Variants in RAP1A observed in about 807,000 individuals in gnomAD.
RAP1A encodes the protein ras-related protein Rap-1A.
RAP1A carries 6 observed loss-of-function variants against 26.4 expected under a neutral mutation model. The observed-to-expected ratio is 0.23, with a 90% CI of 0.12 to 0.45. RAP1A has a LOEUF of 0.45. Ranked by LOEUF, RAP1A falls within the 20% of genes least tolerant of loss-of-function variation. The probability of loss-of-function intolerance (pLI) is 0.99; values close to 1 mark genes in which losing one functional copy is unlikely to be tolerated. For missense variants in RAP1A, 121 were observed against 217.2 expected (o/e 0.56, Z 2.78); for synonymous variants, 73 against 79.4 (o/e 0.92, Z 0.43).
At chr1:111,621,531 C>T (rs944357085) in intron 1 of RAP1A, among the ~76,000 whole-genome samples, 1 of 152,078 alleles carries the variant, frequency 6.6e-6, no homozygotes, top group African/African-American at 2.4e-5. Flanking sequence ...GAGGATCATA[C>T]GTGTTAAGTA....
Position 111,619,817 on chromosome 1 carries a change from C to G in RAP1A, c.-145C>G. The G allele has an allele frequency of 2.5e-6, 1 of 399,732 alleles. No individual in the cohort carries two copies. Among genetic ancestry groups the G allele is most frequent in the East Asian group, 3.6e-5 (1 of 28,130 alleles). 24.8% of individuals were successfully genotyped at this position (399,732 alleles called of 1,614,324 possible). On this transcript the variant is annotated 5_prime_UTR_variant, in exon 1 of 8. Coordinates refer to ENST00000369709, the MANE Select transcript of RAP1A (RefSeq NM_002884.4). ...GCCGCTCCCGAGGCCCCTGCCGCCG[C>G]CGCTCCCGCTGCTGTCGCCGCGCAG...
chr1:111,562,756 C>T (rs1335487053), intron 1 of RAP1A, among the ~76,000 whole-genome samples: 2 of 152,200 alleles, frequency 1.3e-5, no homozygotes, highest in Non-Finnish European at 2.9e-5. Flanking sequence ...GGCCATACAC[C>T]TTTCTGTTCC....
intron 1 of RAP1A, chr1:111,627,621 A>G (rs1190570254): frequency 6.6e-6 from 1 of 152,116 alleles, no homozygotes; most frequent in Non-Finnish European, 1.5e-5. Flanking sequence ...TTGGGTGGTA[A>G]TAGCAGAAAT....
At chr1:111,621,223 CTGGAA>C (rs1659192251) in intron 1 of RAP1A, among the ~76,000 whole-genome samples, 1 of 152,140 alleles carries the variant, frequency 6.6e-6, no homozygotes, top group African/African-American at 2.4e-5. Flanking sequence ...AGAGATGCTG[CTGGAA>C]ACAGGATTTG....
chr1:111,638,867 CTT>C (rs201185076), intron 1 of RAP1A, among the ~76,000 whole-genome samples: 9 of 145,744 alleles, frequency 6.2e-5, no homozygotes, highest in East Asian at 2.0e-4. Flanking sequence ...TGGTTTTTAT[CTT>C]TTTTTTTTTT....
chr1:111,550,814 T>A (rs1165475938), intron 1 of RAP1A, among the ~76,000 whole-genome samples: 2 of 152,208 alleles, frequency 1.3e-5, no homozygotes, highest in Non-Finnish European at 2.9e-5. Flanking sequence ...CTTAATGTGG[T>A]CAGAGAACAT....
chr1:111,697,632 ATTC>A, intron 4 of RAP1A, 135 bp downstream of exon 4: 3 of 1,457,858 alleles, frequency 2.1e-6, no homozygotes, highest in Non-Finnish European at 2.7e-6. Context: ...GAACATAGGG[ATTC>A]TTAAGTATAT....
intron 1 of RAP1A, among the ~76,000 whole-genome samples, chr1:111,613,646 C>G (rs11102316): frequency 0.15 from 22,874 of 152,176 alleles, 1,841 homozygotes; most frequent in African/African-American, 0.2. Context: ...CCTCATGTAA[C>G]CAACCATAAG....
chr1:111,587,482 C>A (rs537716942), intron 1 of RAP1A, among the ~76,000 whole-genome samples: 1 of 152,130 alleles, frequency 6.6e-6, no homozygotes, highest in Non-Finnish European at 1.5e-5. Flanking sequence ...TGACCTCTGC[C>A]TACGCCTCAG....
chr1:111,589,700 GTATT>G (rs1370550191), intron 1 of RAP1A, among the ~76,000 whole-genome samples: 3 of 151,958 alleles, frequency 2.0e-5, no homozygotes, highest in Non-Finnish European at 4.4e-5. Context: ...CCAGTTTTAT[GTATT>G]TATTTATTTT....
Position 111,714,205 on chromosome 1 carries a change from C to G in RAP1A, c.*1804C>G, listed in dbSNP as rs1014211476. The G allele has an allele frequency of 5.9e-5, 9 of 152,146 alleles. No individual in the cohort carries two copies. Among genetic ancestry groups the G allele is most frequent in the Non-Finnish European group, 1.0e-4 (7 of 68,016 alleles). The allele number at this position is 152,146 out of a possible 1,614,324, so 9.4% of individuals were successfully genotyped here. A position where few individuals can be genotyped will look rare whatever the true frequency, so the allele number is the denominator to read the frequency against. ...TACCTTACACTTCCCTTCTACTTAT[C>G]CAATTATGCATATGTCTGGGATTGA... On this transcript the variant is annotated 3_prime_UTR_variant, in exon 8 of 8. Transcript: ENST00000369709.
intron 1 of RAP1A, among the ~76,000 whole-genome samples, chr1:111,577,069 T>C (rs1465724384): frequency 6.6e-6 from 1 of 152,132 alleles, no homozygotes; most frequent in African/African-American, 2.4e-5. Context: ...TTTATGTTTT[T>C]AGTGGTTTTT....
At position 111,704,463 on chromosome 1, in the gene RAP1A, A is replaced by T; in HGVS notation, c.445A>T (p.Lys149Ter). The T allele has an allele frequency of 6.2e-7, 1 of 1,613,586 alleles. No homozygotes were observed. The highest frequency in any genetic ancestry group is 8.5e-7 in the Non-Finnish European group (1 of 1,179,684). The change falls in exon 6 of 8, where the codon AAG (lysine) becomes TAG (stop). Residue 149 changes from lysine (K) to a stop codon, truncating the protein, a stop_gained. Transcript: ENST00000369709. LOFTEE classifies it high-confidence loss of function. ...CNCAFLESSAKSKINVNEIFY... is the reference protein window; with the variant it reads ...CNCAFLESSA Reference sequence around the variant, plus strand: ...CTGTGCCTTTTTAGAATCTTCTGCAAAGTCAAAGATCAATGTTAATGAGGT... The same window carrying T: ...CTGTGCCTTTTTAGAATCTTCTGCATAGTCAAAGATCAATGTTAATGAGGT...
chr1:111,679,519 T>C (rs1031446961), intron 1 of RAP1A, among the ~76,000 whole-genome samples: 26 of 151,838 alleles, frequency 1.7e-4, no homozygotes, highest in African/African-American at 6.3e-4. Context: ...TTTCTTTTCT[T>C]TTTTTTTGTA....
intron 1 of RAP1A, among the ~76,000 whole-genome samples, chr1:111,674,501 C>T (rs1375898456): frequency 1.3e-5 from 2 of 152,166 alleles, no homozygotes; most frequent in African/African-American, 2.4e-5. Context: ...CATTGACTCC[C>T]GAGTCTGTAC....
chr1:111,650,075 T>C (rs985615843), intron 1 of RAP1A, among the ~76,000 whole-genome samples: 1 of 150,366 alleles, frequency 6.7e-6, no homozygotes, highest in African/African-American at 2.4e-5. Context: ...TAAGTAATAT[T>C]TGTGGAGTGG....
At chr1:111,562,183 C>T (rs770397171) in intron 1 of RAP1A, among the ~76,000 whole-genome samples, 7 of 152,094 alleles carry the variant, frequency 4.6e-5, no homozygotes, top group Non-Finnish European at 7.4e-5. Context: ...TCTTCAGATA[C>T]GCCATTTCCT....
chr1:111,556,795 TA>T (rs1265853072), intron 1 of RAP1A, among the ~76,000 whole-genome samples: 1 of 152,104 alleles, frequency 6.6e-6, no homozygotes, highest in African/African-American at 2.4e-5. Flanking sequence ...GGAAGCTTTT[TA>T]AAAAGTTCTG....
intron 1 of RAP1A, among the ~76,000 whole-genome samples, chr1:111,596,521 C>T (rs927941007): frequency 1.3e-5 from 2 of 152,254 alleles, no homozygotes; most frequent in African/African-American, 2.4e-5. Context: ...TTCTTCATTG[C>T]CATAGTCCCA....
Sources: gnomAD v4.1 joint callset for allele counts (sites outside exome capture counted in the v4.1 genomes callset) on GRCh38, gnomAD v4.1.1 for gene constraint, MANE v1.5 for transcripts, NCBI Gene and HGNC (gene_info 2026-07-23, HGNC 2026-07-21) for gene names.